Variants in DMBT1 observed in about 807,000 individuals in gnomAD.
DMBT1 encodes the protein scavenger receptor cysteine-rich domain-containing protein DMBT1.
DMBT1 carries 198 observed loss-of-function variants against 252.9 expected under a neutral mutation model. That is an observed-to-expected ratio of 0.78 (90% CI 0.70 to 0.88). DMBT1 has a LOEUF of 0.88. DMBT1 is among the 40% of genes least tolerant of loss of function. The probability of loss-of-function intolerance (pLI) is 0.00; values close to 1 mark genes in which losing one functional copy is unlikely to be tolerated. For missense variants in DMBT1, 2,432 were observed against 2,404.7 expected, an observed-to-expected ratio of 1.01 and a Z score of -0.24; for synonymous variants, 990 against 942.7, an observed-to-expected ratio of 1.05 and a Z score of -0.92.
intron 19 of DMBT1, 120 bp from the exon 20 acceptor site, chr10:122,592,152 T>C (rs1417871388): frequency 6.9e-7 from 1 of 1,451,980 alleles, no homozygotes; most frequent in Admixed American, 1.9e-5. Context: ...GCAGTCGTAT[T>C]CAATCGTGAC....
At position 122,592,345 on chromosome 10, in the gene DMBT1, C is replaced by A. The variant is rs374524513; in HGVS notation, c.2250C>A (p.Tyr750Ter). The A allele has an allele frequency of 3.1e-6, 5 of 1,588,032 alleles. No homozygotes were observed. Among genetic ancestry groups the A allele is most frequent in the Non-Finnish European group, 4.3e-6 (5 of 1,165,736 alleles). ...GTCAGGGCCGAGTAGAGGTCCTATA[C>A]CGAGGCTCCTGGGGCACCGTGTGTG... ...DRCQGRVEVLYRGSWGTVCDD... is the reference protein window; with the variant it reads ...DRCQGRVEVL Residue 750 changes from tyrosine (Y) to a stop codon, truncating the protein, a stop_gained, in exon 20 of 56, where the codon TAC (tyrosine) becomes TAA (stop). Coordinates refer to ENST00000338354, the MANE Select transcript of DMBT1 (RefSeq NM_001377530.1). LOFTEE classifies it high-confidence loss of function.
intron 19 of DMBT1, 117 bp downstream of exon 19, chr10:122,591,634 C>G: frequency 1.7e-6 from 2 of 1,170,684 alleles, no homozygotes; most frequent in Middle Eastern, 2.0e-4. Flanking sequence ...CATCCCTGTG[C>G]GCTGAGTGGG....
chr10:122,575,149 G>A (rs922840252), intron 6 of DMBT1, among the ~76,000 whole-genome samples: 1 of 152,172 alleles, frequency 6.6e-6, no homozygotes, highest in Non-Finnish European at 1.5e-5. Context: ...GAAAAACAAG[G>A]CAAGTATGCC....
At position 122,619,323 on chromosome 10, in the gene DMBT1, C is replaced by T. The variant is rs765847799; in HGVS notation, c.5231C>T (p.Ser1744Leu). The change falls in exon 42 of 56, where the codon TCA (serine) becomes TTA (leucine). Residue 1744 changes from serine (S) to leucine (L), a missense_variant. Coordinates refer to ENST00000338354, the MANE Select transcript of DMBT1 (RefSeq NM_001377530.1). ...GVICSAAQSQSTPRPDTWLTT... is the reference protein window; with the variant it reads ...GVICSAAQSQLTPRPDTWLTT... ...TTTCTCACAGCTGCTCAGTCCCAGT[C>T]AACGCCCAGGCCAGGTGAGTCCCCA... The T allele has an allele frequency of 1.2e-6, 2 of 1,613,982 alleles. No homozygotes were observed. The highest frequency in any genetic ancestry group is 1.7e-5 in the Admixed American group (1 of 60,024).
intron 5 of DMBT1, among the ~76,000 whole-genome samples, chr10:122,572,652 A>C (rs1268887799): frequency 7.1e-6 from 1 of 141,204 alleles, no homozygotes; most frequent in Admixed American, 7.4e-5. Context: ...TAGACAATGA[A>C]GGCCAAGGGA....
At chr10:122,568,078 A>G (rs1173640259) in intron 2 of DMBT1, among the ~76,000 whole-genome samples, 1 of 152,154 alleles carries the variant, frequency 6.6e-6, no homozygotes, top group Non-Finnish European at 1.5e-5. Flanking sequence ...GTTCAAGGGG[A>G]TGAAGGCTTA....
At chr10:122,569,701 G>C (rs2981786) in intron 2 of DMBT1, among the ~76,000 whole-genome samples, 1 of 152,054 alleles carries the variant, frequency 6.6e-6, no homozygotes, top group African/African-American at 2.4e-5. Context: ...CCTCCATGCA[G>C]CCACTTTGTG....
intron 2 of DMBT1, among the ~76,000 whole-genome samples, chr10:122,566,638 GTA>G (rs1277950804): frequency 1.3e-5 from 2 of 152,132 alleles, no homozygotes; most frequent in Non-Finnish European, 2.9e-5. Flanking sequence ...ATAATGACAG[GTA>G]TCTTGAAGAT....
Position 122,586,252 on chromosome 10 carries a change from A to G in DMBT1, c.1652A>G (p.Gln551Arg). The change falls in exon 16 of 56, where the codon CAG becomes CGG. Residue 551 changes from glutamine to arginine, a missense_variant. Around this residue, in one of 3 missense-constraint regions of DMBT1, gnomAD observed 1,264 missense variants for 1,082.2 expected, o/e 1.17. Coordinates refer to ENST00000338354, the MANE Select transcript of DMBT1 (RefSeq NM_001377530.1). The stretch of plus-strand genomic sequence containing the variant: ...GCCCCAGGAAATGCCCGGTTTGGTC[A>G]GGGCTCAGGACCCATTGTCCTGGAT... ...MLAPGNARFG[Q>R]GSGPIVLDDV... 1 of 1,588,850 alleles carries G rather than the reference A, an allele frequency of 6.3e-7. No homozygotes were observed. Among genetic ancestry groups the G allele is most frequent in the Non-Finnish European group, 8.6e-7 (1 of 1,165,936 alleles).
intron 15 of DMBT1, among the ~76,000 whole-genome samples, 168 bp from the exon 16 acceptor site, chr10:122,585,892 C>G (rs1046493233): frequency 6.7e-6 from 1 of 148,952 alleles, no homozygotes; most frequent in Non-Finnish European, 1.5e-5. Context: ...CCAGGCAGAA[C>G]TGCTTCTTTG....
rs770096846 is a variant in DMBT1 at position 122,643,374 on chromosome 10, A to G, written c.7605A>G (p.Pro2535=). 36 of 1,613,528 alleles carry G rather than the reference A, an allele frequency of 2.2e-5. No individual in the cohort carries two copies. The Middle Eastern group carries it at 9.9e-4, about 44-fold the overall frequency. ...VLGPIQLQTP[P]RREEEPR ...GTCCCATCCAGCTGCAGACCCCCCCACGCCGAGAAGAGGAGCCTCGGTAGG... is the reference window on the plus strand; with the variant it reads ...GTCCCATCCAGCTGCAGACCCCCCCGCGCCGAGAAGAGGAGCCTCGGTAGG... Residue 2535 remains proline (P), a synonymous_variant, in exon 56 of 56, where the codon CCA becomes CCG. Transcript: ENST00000338354.
intron 46 of DMBT1, among the ~76,000 whole-genome samples, chr10:122,627,701 T>C (rs974496595): frequency 6.6e-6 from 1 of 152,248 alleles, no homozygotes; most frequent in African/African-American, 2.4e-5. Context: ...TTATCCTTAA[T>C]TATTTCCCAG....
intron 44 of DMBT1, among the ~76,000 whole-genome samples, chr10:122,623,851 C>T (rs956245130): frequency 2.6e-5 from 4 of 152,184 alleles, no homozygotes; most frequent in African/African-American, 9.7e-5. Flanking sequence ...TAGCATGTGA[C>T]ATTCCTTCAT....
Position 122,618,074 on chromosome 10 carries a change from G to C in DMBT1, c.4949G>C (p.Arg1650Pro), listed in dbSNP as rs775509248. The change falls in exon 41 of 56, where the codon CGA becomes CCA. Residue 1650 changes from arginine (R) to proline (P), a missense_variant. Physicochemically the swap from Arg to Pro is moderately radical, Grantham distance 103 (BLOSUM62 -2). Around this residue, in one of 3 missense-constraint regions of DMBT1, gnomAD observed 1,162 missense variants for 1,169.0 expected, o/e 0.99. Coordinates refer to ENST00000338354, the MANE Select transcript of DMBT1 (RefSeq NM_001377530.1). ...LVNGGDRCRG[R>P]VEVLYQGSWG... is the part of the protein sequence containing the mutation. ...AATGGAGGTGACAGGTGTCGAGGCC[G>C]AGTGGAGGTCCTATACCAAGGCTCC... The C allele has an allele frequency of 6.2e-7, 1 of 1,613,774 alleles. No homozygotes were observed. Among genetic ancestry groups the C allele is most frequent in the Non-Finnish European group, 8.5e-7 (1 of 1,179,836 alleles).
intron 26 of DMBT1, among the ~76,000 whole-genome samples, chr10:122,599,332 G>T (rs2097916693): frequency 6.6e-6 from 1 of 152,194 alleles, no homozygotes. Context: ...CCTGAGGGAA[G>T]GCAAGGAAGA....
chr10:122,599,917 G>A (rs2097924741), intron 26 of DMBT1, 147 bp from the exon 27 acceptor site: 2 of 1,215,546 alleles, frequency 1.6e-6, no homozygotes, highest in East Asian at 4.7e-5. Flanking sequence ...GCATCTCTGT[G>A]GGGATGTGCA....
At chr10:122,591,360 G>T in intron 18 of DMBT1, 119 bp from the exon 19 acceptor site, 1 of 1,188,718 alleles carries the variant, frequency 8.4e-7, no homozygotes. Context: ...TGGGGAGCAA[G>T]TGGCAGGAAC....
rs1462545568 is a variant in DMBT1, at chr10:122,633,330, C to T, written c.6537C>T (p.Phe2179=). ...VQNNYRVTVI[F]RDVQLEGGCN... ...ACAACTACCGTGTGACTGTGATCTTCAGAGATGTCCAGTAAGTGTGCGCCC... is the reference window on the plus strand; with the variant it reads ...ACAACTACCGTGTGACTGTGATCTTTAGAGATGTCCAGTAAGTGTGCGCCC... The change falls in exon 52 of 56, where the codon TTC becomes TTT. Residue 2179 remains phenylalanine, a synonymous_variant. Transcript: ENST00000338354. 1 of 1,613,948 alleles carries T rather than the reference C, an allele frequency of 6.2e-7. No individual in the cohort carries two copies. The highest frequency in any genetic ancestry group is 1.1e-5 in the South Asian group (1 of 91,056).
intron 51 of DMBT1, 83 bp from the exon 52 acceptor site, chr10:122,633,108 T>A (rs1012498038): frequency 1.3e-6 from 2 of 1,533,430 alleles, no homozygotes; most frequent in African/African-American, 1.4e-5. Flanking sequence ...AATTTTAAAG[T>A]AATTTAAATT....
Sources: gnomAD v4.1 joint callset for allele counts (sites outside exome capture counted in the v4.1 genomes callset) on GRCh38, gnomAD v4.1.1 for gene constraint, gnomAD v4.1.1 regional missense constraint, MANE v1.5 for transcripts, NCBI Gene and HGNC (gene_info 2026-07-23, HGNC 2026-07-21) for gene names.